The following CSMD2 variants were observed in gnomAD, a reference collection of about 807,000 sequenced individuals.
CSMD2 encodes CUB and sushi domain-containing protein 2.
A neutral mutation model predicts 398.5 loss-of-function variants in CSMD2; 130 were observed. The ratio of observed to expected loss-of-function variants is 0.33; its 90% confidence interval spans 0.28 to 0.38. The LOEUF is 0.38. Among genes scored for constraint, CSMD2 ranks in the 10% least tolerant of loss-of-function variants. CSMD2 has a pLI of 1.00. For missense variants in CSMD2, 3,829 were observed against 4,764.9 expected, an observed-to-expected ratio of 0.80 and a Z score of 5.78; for synonymous variants, 1,828 against 1,908.5, an observed-to-expected ratio of 0.96 and a Z score of 1.10.
intron 15 of CSMD2, among the ~76,000 whole-genome samples, chr1:33,732,596 C>T (rs1646756573): frequency 6.6e-6 from 1 of 152,206 alleles, no homozygotes; most frequent in Non-Finnish European, 1.5e-5. Context: ...TGATCTTGAA[C>T]TTCCAGCTTT....
chr1:33,793,884 G>T (rs1041311155), intron 10 of CSMD2, among the ~76,000 whole-genome samples: 5 of 152,042 alleles, frequency 3.3e-5, no homozygotes, highest in African/African-American at 1.2e-4. Flanking sequence ...GGTGGGGGAT[G>T]GTGCCATTCA....
chr1:33,556,785 G>A (rs1233086689), intron 55 of CSMD2, among the ~76,000 whole-genome samples: 1 of 152,184 alleles, frequency 6.6e-6, no homozygotes, highest in Non-Finnish European at 1.5e-5. Context: ...TAGTGAGTGA[G>A]TTTTCATAAG....
chr1:33,942,561 G>A (rs999239227), intron 3 of CSMD2, among the ~76,000 whole-genome samples: 1 of 152,198 alleles, frequency 6.6e-6, no homozygotes, highest in Non-Finnish European at 1.5e-5. Context: ...CTATTCTCTC[G>A]ACTCATGTTT....
intron 1 of CSMD2, among the ~76,000 whole-genome samples, chr1:34,118,574 A>G (rs908167529): frequency 3.9e-5 from 6 of 152,234 alleles, no homozygotes; most frequent in Non-Finnish European, 7.3e-5. Flanking sequence ...TATAAAATCA[A>G]CACACAAAAA....
chr1:33,979,387 A>G (rs1289703388), intron 3 of CSMD2, among the ~76,000 whole-genome samples: 1 of 152,014 alleles, frequency 6.6e-6, no homozygotes, highest in Non-Finnish European at 1.5e-5. Context: ...GACAGAGATG[A>G]AGGAGGCATT....
chr1:33,678,666 CT>C (rs1390717867), intron 25 of CSMD2, among the ~76,000 whole-genome samples: 1 of 152,106 alleles, frequency 6.6e-6, no homozygotes, highest in African/African-American at 2.4e-5. Flanking sequence ...AAATGCCCCC[CT>C]CTAAGCTGAC....
intron 10 of CSMD2, among the ~76,000 whole-genome samples, chr1:33,803,222 G>A (rs138358127): frequency 5.9e-5 from 9 of 152,054 alleles, no homozygotes; most frequent in Non-Finnish European, 1.2e-4. Flanking sequence ...CTCCTGTCAC[G>A]ACGGTATTCT....
intron 25 of CSMD2, among the ~76,000 whole-genome samples, chr1:33,672,931 G>C (rs1644562511): frequency 1.3e-5 from 2 of 152,286 alleles, no homozygotes; most frequent in South Asian, 4.1e-4. Flanking sequence ...CTAACAAACA[G>C]AAAGGACATC....
At chr1:34,087,611 G>C (rs1658033710) in intron 2 of CSMD2, among the ~76,000 whole-genome samples, 2 of 95,056 alleles carry the variant, frequency 2.1e-5, no homozygotes, top group African/African-American at 8.5e-5. Flanking sequence ...AGAACTTAAA[G>C]TATAATAATA....
At chr1:33,715,017 G>A (rs568478941) in intron 20 of CSMD2, among the ~76,000 whole-genome samples, 1 of 152,260 alleles carries the variant, frequency 6.6e-6, no homozygotes, top group South Asian at 2.1e-4. Flanking sequence ...GAGGCAGAGA[G>A]AAGCACGGGG....
At chr1:33,539,180 A>ACGG (rs1656093677) in intron 60 of CSMD2, among the ~76,000 whole-genome samples, 1 of 152,094 alleles carries the variant, frequency 6.6e-6, no homozygotes, top group South Asian at 2.1e-4. Flanking sequence ...GTTAGCCAGG[A>ACGG]CGGTCTCAAT....
At chr1:34,093,242 A>C (rs1316422889) in intron 1 of CSMD2, among the ~76,000 whole-genome samples, 4 of 152,176 alleles carry the variant, frequency 2.6e-5, no homozygotes, top group African/African-American at 7.2e-5. Context: ...GACATTCACA[A>C]CAAAAACCCA....
intron 3 of CSMD2, among the ~76,000 whole-genome samples, chr1:33,971,641 G>GCTGATTACTT (rs1645767117): frequency 6.6e-6 from 1 of 152,252 alleles, no homozygotes; most frequent in African/African-American, 2.4e-5. Context: ...GTGGCAAGCA[G>GCTGATTACTT]CTGATTACTT....
intron 49 of CSMD2, among the ~76,000 whole-genome samples, chr1:33,575,397 C>A (rs1472376125): frequency 6.6e-6 from 1 of 152,166 alleles, no homozygotes; most frequent in East Asian, 1.9e-4. Flanking sequence ...GAAAGGGCCA[C>A]AGCATACGTG....
At chr1:34,027,621 T>C (rs1649822399) in intron 3 of CSMD2, among the ~76,000 whole-genome samples, 2 of 152,242 alleles carry the variant, frequency 1.3e-5, no homozygotes, top group East Asian at 1.9e-4. Context: ...AACTATGGTA[T>C]ATGCAAACCA....
At chr1:33,543,437 C>CT (rs1261709306) in intron 57 of CSMD2, among the ~76,000 whole-genome samples, 5 of 152,364 alleles carry the variant, frequency 3.3e-5, no homozygotes, top group African/African-American at 1.2e-4. Flanking sequence ...CCTCTATCCC[C>CT]TGTAGTTCCT....
At chr1:34,136,644 G>A (rs1426595764) in intron 1 of CSMD2, among the ~76,000 whole-genome samples, 2 of 152,122 alleles carry the variant, frequency 1.3e-5, no homozygotes, top group African/African-American at 4.8e-5. Context: ...TTCCCATGAT[G>A]CCTTTAATAA....
chr1:33,950,190 C>T (rs1343473467), intron 3 of CSMD2, among the ~76,000 whole-genome samples: 2 of 152,156 alleles, frequency 1.3e-5, no homozygotes, highest in Non-Finnish European at 2.9e-5. Flanking sequence ...TTGCCCCAAT[C>T]CAACCCATTC....
Position 33,572,503 on chromosome 1 carries a change from C to T in CSMD2, c.7762+3G>A, listed in dbSNP as rs766300504. Reference sequence around the variant, plus strand: ...CACCCGCCTCCATTGCCCGAGGACTCACGGACACACTGTGGTGGGACATTG... The same window carrying T: ...CACCCGCCTCCATTGCCCGAGGACTTACGGACACACTGTGGTGGGACATTG... On this transcript the variant is annotated splice_donor_region_variant and intron_variant, in intron 50 of 70. Transcript: ENST00000373381. The T allele has an allele frequency of 1.3e-6, 2 of 1,593,482 alleles. No individual in the cohort carries two copies. Among genetic ancestry groups the T allele is most frequent in the African/African-American group, 2.7e-5 (2 of 74,382 alleles).
Sources: gnomAD v4.1 joint callset for allele counts (sites outside exome capture counted in the v4.1 genomes callset) on GRCh38, gnomAD v4.1.1 for gene constraint, MANE v1.5 for transcripts, NCBI Gene and HGNC (gene_info 2026-07-23, HGNC 2026-07-21) for gene names.